Variants in MRC1 observed in about 807,000 individuals in gnomAD.
MRC1 encodes mannose receptor C-type 1.
A neutral mutation model predicts 102.9 loss-of-function variants in MRC1; 62 were observed. That is an observed-to-expected ratio of 0.60 (90% CI 0.49 to 0.74). The LOEUF (loss-of-function observed/expected upper bound fraction) is 0.74, where lower values mean the gene tolerates loss of function less well. MRC1 is among the 30% of genes least tolerant of loss of function. MRC1 has a pLI of 0.00. For synonymous variants in MRC1, 457 were observed against 298.4 expected (o/e 1.53, Z -5.48); for missense variants, 1,237 against 862.8 (o/e 1.43, Z -5.43).
At chr10:17,814,113 G>A (rs1307651860) in intron 1 of MRC1, among the ~76,000 whole-genome samples, 3 of 152,184 alleles carry the variant, frequency 2.0e-5, no homozygotes, top group African/African-American at 7.2e-5. Flanking sequence ...CAGATGGGAA[G>A]ATGTCATTGT....
chr10:17,871,562 A>T (rs945669692), intron 14 of MRC1, among the ~76,000 whole-genome samples: 177 of 152,290 alleles, frequency 1.2e-3, no homozygotes, highest in Non-Finnish European at 1.6e-3. Flanking sequence ...AATAAATTGT[A>T]TTGCTTTATC....
chr10:17,851,423 T>C (rs1838914798), intron 7 of MRC1, among the ~76,000 whole-genome samples: 2 of 152,184 alleles, frequency 1.3e-5, no homozygotes, highest in African/African-American at 4.8e-5. Flanking sequence ...GTATTAATCA[T>C]GGAAGTATAT....
chr10:17,827,871 A>C (rs1432935064), intron 3 of MRC1, among the ~76,000 whole-genome samples, 156 bp downstream of exon 3: 5 of 152,124 alleles, frequency 3.3e-5, no homozygotes, highest in Admixed American at 2.6e-4. Flanking sequence ...TATTATTTCC[A>C]TTTTCCAATG....
intron 4 of MRC1, among the ~76,000 whole-genome samples, chr10:17,834,104 A>G (rs1265744585): frequency 2.0e-5 from 3 of 152,220 alleles, no homozygotes; most frequent in African/African-American, 4.8e-5. Flanking sequence ...AATCAGAGTA[A>G]AAGATGCCAC....
intron 14 of MRC1, among the ~76,000 whole-genome samples, chr10:17,871,180 C>G (rs1215884805): frequency 6.6e-6 from 1 of 152,108 alleles, no homozygotes; most frequent in Non-Finnish European, 1.5e-5. Context: ...TCAGACTTCT[C>G]CATTTCCAGG....
In MRC1 at chr10:17,853,066, G is replaced by T. The variant is rs1021457150; in HGVS notation, c.1349G>T (p.Arg450Leu). The change falls in exon 8 of 30, where the codon CGT (arginine) becomes CTT (leucine). Residue 450 changes from arginine (R) to leucine (L), a missense_variant. By Grantham distance (102) the Arg-to-Leu change is moderately radical (BLOSUM62 -2). Coordinates refer to ENST00000569591, the MANE Select transcript of MRC1 (RefSeq NM_002438.4). ...GTPVTFTKWL[R>L]GEPSHENNRQ... ...CCTGTAACGTTTACCAAATGGCTTC[G>T]TGGAGAACCAAGCCATGAAAACAAC... is the stretch of plus-strand genomic sequence containing the variant. 1.3e-6 allele frequency: 1 copy of T among 780,692 alleles called. No homozygotes were observed. The highest frequency in any genetic ancestry group is 1.7e-5 in the African/African-American group (1 of 59,114). The allele number at this position is 780,692 out of a possible 1,614,324, so 48.4% of individuals were successfully genotyped here.
At chr10:17,841,820 T>C (rs1232495470) in intron 5 of MRC1, among the ~76,000 whole-genome samples, 1 of 150,804 alleles carries the variant, frequency 6.6e-6, no homozygotes, top group Non-Finnish European at 1.5e-5. Context: ...GAGAGAAGTA[T>C]CATATTGGTC....
chr10:17,905,806 A>G (rs1036431935), intron 26 of MRC1, among the ~76,000 whole-genome samples: 13 of 152,240 alleles, frequency 8.5e-5, no homozygotes, highest in African/African-American at 2.9e-4. Flanking sequence ...TCCCTCTGCT[A>G]CTGTTAGGAT....
intron 14 of MRC1, among the ~76,000 whole-genome samples, chr10:17,871,274 G>T (rs1001700496): frequency 6.6e-6 from 1 of 152,152 alleles, no homozygotes; most frequent in African/African-American, 2.4e-5. Flanking sequence ...TATAATTTCA[G>T]TTCTACCTCT....
intron 4 of MRC1, among the ~76,000 whole-genome samples, chr10:17,838,461 TGAAATAAG>T (rs1838702179): frequency 6.6e-6 from 1 of 151,928 alleles, no homozygotes; most frequent in African/African-American, 2.4e-5. Context: ...TTTACAGAAC[TGAAATAAG>T]ATATAGGAAG....
chr10:17,842,543 AAT>A (rs1838767594), intron 5 of MRC1, among the ~76,000 whole-genome samples: 3 of 152,200 alleles, frequency 2.0e-5, no homozygotes, highest in Admixed American at 2.0e-4. Context: ...ACTGCAAGGG[AAT>A]ACATATAAAA....
At chr10:17,836,128 A>C (rs1838658599) in intron 4 of MRC1, among the ~76,000 whole-genome samples, 1 of 152,208 alleles carries the variant, frequency 6.6e-6, no homozygotes, top group African/African-American at 2.4e-5. Flanking sequence ...GAGCCAATAC[A>C]AGGGCAAGAG....
At chr10:17,840,310 T>C (rs1838732423) in intron 4 of MRC1, among the ~76,000 whole-genome samples, 1 of 152,138 alleles carries the variant, frequency 6.6e-6, no homozygotes. Flanking sequence ...AATGATAAAA[T>C]AAAATTCTTA....
At chr10:17,852,827 G>A (rs1182558525) in intron 7 of MRC1, 140 bp from the exon 8 acceptor site, 13 of 754,248 alleles carry the variant, frequency 1.7e-5, no homozygotes, top group Middle Eastern at 3.7e-4. Flanking sequence ...GAGCACTCAT[G>A]AGGACTATCT....
chr10:17,816,403 C>T (rs36009705), intron 1 of MRC1, among the ~76,000 whole-genome samples: 2,228 of 152,186 alleles, frequency 0.015, 48 homozygotes, highest in African/African-American at 0.051. Context: ...ACCCAGTGAC[C>T]GCTGTGGGCA....
intron 16 of MRC1, among the ~76,000 whole-genome samples, chr10:17,874,790 C>T (rs1023675352): frequency 3.3e-5 from 5 of 152,222 alleles, no homozygotes; most frequent in South Asian, 2.1e-4. Context: ...CATAAATCCT[C>T]ACAGCTATGC....
chr10:17,877,209 A>C (rs1833448701), intron 17 of MRC1, among the ~76,000 whole-genome samples: 1 of 148,668 alleles, frequency 6.7e-6, no homozygotes, highest in Non-Finnish European at 1.5e-5. Flanking sequence ...AAGAACAGAT[A>C]TATCCTCCTG....
At position 17,900,817 on chromosome 10, in the gene MRC1, G is replaced by A. The variant is rs893694234; in HGVS notation, c.3513G>A (p.Lys1171=). 113 of 780,828 alleles carry A rather than the reference G, an allele frequency of 1.4e-4. No homozygotes were observed. In the African/African-American group the frequency reaches 1.7e-3, roughly 12 times the overall value. The allele number at this position is 780,828 out of a possible 1,614,324, so 48.4% of individuals were successfully genotyped here. A position where few individuals can be genotyped will look rare whatever the true frequency, so the allele number is the denominator to read the frequency against. Residue 1171 remains lysine (K), a synonymous_variant, in exon 25 of 30, where the codon AAG becomes AAA. Transcript: ENST00000569591. Reference sequence around the variant, plus strand: ...ATAATCAATACACTTGGACTGATAAGTGGAGGGTGAGGTACACTAACTGGG... The same window carrying A: ...ATAATCAATACACTTGGACTGATAAATGGAGGGTGAGGTACACTAACTGGG... ...LTDNQYTWTD[K]WRVRYTNWAA... is the part of the protein sequence containing the mutation.
chr10:17,889,344 GT>G (rs1420001737), intron 22 of MRC1, among the ~76,000 whole-genome samples: 5 of 151,794 alleles, frequency 3.3e-5, no homozygotes, highest in Admixed American at 6.6e-5. Flanking sequence ...GCCTTCTCTG[GT>G]TTTACTTCAA....
Sources: gnomAD v4.1 joint callset for allele counts (sites outside exome capture counted in the v4.1 genomes callset) on GRCh38, gnomAD v4.1.1 for gene constraint, MANE v1.5 for transcripts, NCBI Gene and HGNC (gene_info 2026-07-23, HGNC 2026-07-21) for gene names.